CNOT6: variants seen among roughly 807,000 people sequenced by gnomAD.
CNOT6 encodes carbon catabolite repression 4 protein.
In CNOT6, 12 loss-of-function variants were observed where a neutral mutation model predicts 61.2. That is an observed-to-expected ratio of 0.20 (90% confidence interval 0.13 to 0.32). The LOEUF (loss-of-function observed/expected upper bound fraction) is 0.32. CNOT6 is among the 10% of genes least tolerant of loss of function. The probability of loss-of-function intolerance (pLI) is 1.00; values close to 1 mark genes in which losing one functional copy is unlikely to be tolerated. For missense variants in CNOT6, 405 were observed against 663.9 expected (o/e 0.61, Z 4.28); for synonymous variants, 225 against 240.6 (o/e 0.94, Z 0.60).
intron 3 of CNOT6, among the ~76,000 whole-genome samples, chr5:180,552,445 T>C (rs1399596947): frequency 6.6e-6 from 1 of 151,292 alleles, no homozygotes; most frequent in Admixed American, 6.6e-5. Flanking sequence ...ATCGAGACCA[T>C]CCTGGCTAAC....
chr5:180,543,835 G>A (rs1759166461), intron 2 of CNOT6, among the ~76,000 whole-genome samples: 1 of 151,488 alleles, frequency 6.6e-6, no homozygotes, highest in Non-Finnish European at 1.5e-5. Context: ...TTTTGAGAGG[G>A]AGTCTTGCTC....
chr5:180,569,477 T>G (rs763858007), intron 10 of CNOT6, 137 bp downstream of exon 10: 8 of 686,992 alleles, frequency 1.2e-5, no homozygotes, highest in Non-Finnish European at 1.9e-5. Context: ...GTTTTAAACA[T>G]CATGTTGGGG....
At chr5:180,515,639 G>A (rs747722027) in intron 1 of CNOT6, among the ~76,000 whole-genome samples, 2 of 152,116 alleles carry the variant, frequency 1.3e-5, no homozygotes, top group Non-Finnish European at 2.9e-5. Context: ...ATTAACTTCA[G>A]TGGAAGTAGA....
intron 2 of CNOT6, among the ~76,000 whole-genome samples, chr5:180,542,886 T>C (rs75300372): frequency 3.3e-5 from 5 of 152,244 alleles, no homozygotes; most frequent in East Asian, 1.9e-4. Context: ...TAGATAGATA[T>C]GAGATTATCA....
intron 1 of CNOT6, among the ~76,000 whole-genome samples, chr5:180,496,720 C>T (rs566672035): frequency 2.6e-5 from 4 of 152,278 alleles, no homozygotes; most frequent in East Asian, 1.9e-4. Context: ...GAGACCTTGT[C>T]TTGATCACTT....
At chr5:180,508,898 C>T (rs1757257428) in intron 1 of CNOT6, among the ~76,000 whole-genome samples, 1 of 151,522 alleles carries the variant, frequency 6.6e-6, no homozygotes, top group Non-Finnish European at 1.5e-5. Flanking sequence ...TCCTGGCTCG[C>T]TGCAACTCTC....
At chr5:180,543,606 T>C (rs1187181198) in intron 2 of CNOT6, among the ~76,000 whole-genome samples, 3 of 152,200 alleles carry the variant, frequency 2.0e-5, no homozygotes, top group Non-Finnish European at 4.4e-5. Context: ...ATAAGGTAAA[T>C]CACAAATTGT....
chr5:180,569,523 G>A (rs557270980), intron 10 of CNOT6, among the ~76,000 whole-genome samples, 183 bp downstream of exon 10: 7 of 152,188 alleles, frequency 4.6e-5, no homozygotes, highest in Admixed American at 3.3e-4. Context: ...CGATATTATG[G>A]AAACTTGAGG....
rs66503357 is a variant in CNOT6, at chr5:180,503,262, C to CTT, written c.-3+8515_-3+8516dup. Among the ~76,000 whole-genome samples the CTT allele has an allele frequency of 8.0e-4, 107 of 133,816 alleles. 1 individual carries two copies. Among genetic ancestry groups the CTT allele is most frequent in the Middle Eastern group, 4.0e-3 (1 of 252 alleles). The allele number at this position is 133,816 out of a possible 152,430, so 87.8% of individuals were successfully genotyped here. A position where few individuals can be genotyped will look rare whatever the true frequency, so the allele number is the denominator to read the frequency against. Reference sequence around the variant, plus strand: ...AGGTCTGACTCTAGTTTGTATTTTTCTTTTTTTTTTTTTTTTTGAGATGGA... The same window carrying CTT: ...AGGTCTGACTCTAGTTTGTATTTTTCTTTTTTTTTTTTTTTTTTTGAGATGGA... On this transcript the variant is annotated intron_variant, in intron 1 of 11. Coordinates refer to ENST00000261951, the MANE Select transcript of CNOT6 (RefSeq NM_001370472.1).
At chr5:180,520,808 G>A (rs1733252185) in intron 1 of CNOT6, among the ~76,000 whole-genome samples, 2 of 151,740 alleles carry the variant, frequency 1.3e-5, no homozygotes, top group South Asian at 4.2e-4. Flanking sequence ...CCAAGAGTGT[G>A]TTTAACATTC....
chr5:180,503,730 C>T (rs1193354837), intron 1 of CNOT6, among the ~76,000 whole-genome samples: 1 of 151,086 alleles, frequency 6.6e-6, no homozygotes, highest in African/African-American at 2.4e-5. Context: ...CTCAGCCTCC[C>T]GAGTAGCTGG....
intron 4 of CNOT6, among the ~76,000 whole-genome samples, chr5:180,558,518 A>AAAC (rs1160256998): frequency 6.6e-6 from 1 of 151,210 alleles, no homozygotes; most frequent in Non-Finnish European, 1.5e-5. Context: ...CTTAAAAAAA[A>AAAC]AAACAAAAAA....
chr5:180,495,955 AG>A (rs1460423785), intron 1 of CNOT6, among the ~76,000 whole-genome samples: 1 of 152,216 alleles, frequency 6.6e-6, no homozygotes, highest in Non-Finnish European at 1.5e-5. Flanking sequence ...TCTGTCACCC[AG>A]GCTGGAGTGC....
intron 2 of CNOT6, among the ~76,000 whole-genome samples, chr5:180,530,561 C>CTTTTTTTTTT (rs70973925): frequency 8.4e-6 from 1 of 119,446 alleles, no homozygotes; most frequent in African/African-American, 3.1e-5. Context: ...CTTCTGATTT[C>CTTTTTTTTTT]TTTTTTTTTT....
At chr5:180,556,849 G>A (rs1483270102) in intron 4 of CNOT6, among the ~76,000 whole-genome samples, 1 of 152,130 alleles carries the variant, frequency 6.6e-6, no homozygotes, top group African/African-American at 2.4e-5. Flanking sequence ...CCAGCTACTC[G>A]GGAGACTGAG....
chr5:180,531,984 G>T (rs11744428), intron 2 of CNOT6, among the ~76,000 whole-genome samples: 1 of 152,066 alleles, frequency 6.6e-6, no homozygotes, highest in African/African-American at 2.4e-5. Context: ...GAGGGAGACC[G>T]GGGAGAGGGA....
At position 180,571,223 on chromosome 5, in the gene CNOT6, A is replaced by T; in HGVS notation, c.1259-7A>T. Reference sequence around the variant, plus strand: ...TTTGACAATAAAAAAATTTGTCTTCATTGTAGGTGTTGTAGAATATTTGAG... The same window carrying T: ...TTTGACAATAAAAAAATTTGTCTTCTTTGTAGGTGTTGTAGAATATTTGAG... On this transcript the variant is annotated splice_polypyrimidine_tract_variant and splice_region_variant and intron_variant, in intron 10 of 11. Transcript: ENST00000261951. The T allele has an allele frequency of 6.2e-7, 1 of 1,603,538 alleles. No homozygotes were observed. Among genetic ancestry groups the T allele is most frequent in the Non-Finnish European group, 8.5e-7 (1 of 1,173,012 alleles).
chr5:180,516,242 G>A (rs996306752), intron 1 of CNOT6, among the ~76,000 whole-genome samples: 11 of 146,580 alleles, frequency 7.5e-5, no homozygotes, highest in African/African-American at 2.5e-4. Context: ...GTGCAGTGGC[G>A]CCACCTTGGC....
chr5:180,562,816 T>G (rs953598280), intron 4 of CNOT6, among the ~76,000 whole-genome samples: 3 of 151,892 alleles, frequency 2.0e-5, no homozygotes, highest in Non-Finnish European at 2.9e-5. Context: ...TACCGAGAAG[T>G]TTTCAGTTGA....
Sources: allele counts gnomAD v4.1 joint callset (sites outside exome capture counted in the v4.1 genomes callset), GRCh38; gene constraint gnomAD v4.1.1; transcripts MANE v1.5; gene names NCBI Gene and HGNC (gene_info 2026-07-23, HGNC 2026-07-21).